The following BANF2 variants were observed in gnomAD, a reference collection of about 807,000 sequenced individuals.
BANF2 encodes the protein barrier-to-autointegration factor-like protein.
Under a neutral mutation model 8.0 loss-of-function variants are expected in BANF2, and 4 were observed. The observed-to-expected ratio is 0.50, with a 90% CI of 0.25 to 1.14. The LOEUF is 1.14. BANF2 is among the 50% of genes most tolerant of loss of function. The pLI is 0.16. For synonymous variants in BANF2, 50 were observed against 40.6 expected, an observed-to-expected ratio of 1.23 and a Z score of -0.88; for missense variants, 96 against 107.5, an observed-to-expected ratio of 0.89 and a Z score of 0.47.
intron 1 of BANF2, among the ~76,000 whole-genome samples, chr20:17,718,752 G>A (rs1402820435): frequency 6.6e-6 from 1 of 152,170 alleles, no homozygotes; most frequent in East Asian, 1.9e-4. Context: ...ATTCCTTTGG[G>A]AATTGAGATT....
intron 1 of BANF2, among the ~76,000 whole-genome samples, chr20:17,694,792 T>A (rs185809501): frequency 1.0e-3 from 152 of 151,740 alleles, no homozygotes; most frequent in African/African-American, 2.0e-3. Context: ...ATAATTTTTT[T>A]AAAATTTTCT....
At position 17,726,896 on chromosome 20, in the gene BANF2, C is replaced by T. The variant is rs541015475; in HGVS notation, c.126+1745C>T. On this transcript the variant is annotated intron_variant, in intron 3 of 3. Coordinates refer to ENST00000246090, the MANE Select transcript of BANF2 (RefSeq NM_178477.5). ...ATAGTTCTATGAGTTTGGACACATG[C>T]ATGCAGTGATGCAGCCGCTACCATA... 3.3e-5 allele frequency among the ~76,000 whole-genome samples: 5 copies of T among 152,344 alleles called. No individual in the cohort carries two copies. The East Asian group carries it at 7.7e-4, about 23-fold the overall frequency.
chr20:17,722,023 A>G (rs73093520), intron 1 of BANF2, among the ~76,000 whole-genome samples: 21,142 of 152,238 alleles, frequency 0.14, 1,542 homozygotes, highest in Middle Eastern at 0.29. Context: ...GTGACAACTC[A>G]AGTGTCTCTG....
At chr20:17,713,654 C>A (rs947943432) in intron 1 of BANF2, among the ~76,000 whole-genome samples, 3 of 151,226 alleles carry the variant, frequency 2.0e-5, no homozygotes, top group Admixed American at 6.6e-5. Context: ...GGCAACATAG[C>A]AAGACCTCAT....
In BANF2 at chr20:17,713,615, C is replaced by T. The variant is rs185984696; in HGVS notation, c.-166-9101C>T. Among the ~76,000 whole-genome samples, 36 of 152,200 alleles carry T rather than the reference C, an allele frequency of 2.4e-4. 1 individual carries two copies. In the East Asian group the frequency reaches 3.1e-3, roughly 13 times the overall value. ...TTGGAAAGCAGAGGCAGGAGGATTG[C>T]TTGAGGCCAGGAGTTTGAGACCAGC... On this transcript the variant is annotated intron_variant, in intron 1 of 3. Transcript: ENST00000246090.
chr20:17,710,146 G>C (rs1255642912), intron 1 of BANF2, among the ~76,000 whole-genome samples: 3 of 152,216 alleles, frequency 2.0e-5, no homozygotes, highest in Admixed American at 6.5e-5. Context: ...TCACATCCTG[G>C]CCGAGGGCTG....
chr20:17,707,991 CAGG>C (rs2037508147), intron 1 of BANF2, among the ~76,000 whole-genome samples: 1 of 134,562 alleles, frequency 7.4e-6, no homozygotes, highest in Admixed American at 9.0e-5. Flanking sequence ...CACTTGAGGT[CAGG>C]AGTTTGAGAC....
chr20:17,716,693 G>A (rs73093513), intron 1 of BANF2, among the ~76,000 whole-genome samples: 20,548 of 151,118 alleles, frequency 0.14, 1,492 homozygotes, highest in Middle Eastern at 0.29. Flanking sequence ...GTGAAACCCC[G>A]AGCCAGGTGG....
At chr20:17,694,506 T>C (rs1482947239) in intron 1 of BANF2, among the ~76,000 whole-genome samples, 2 of 150,922 alleles carry the variant, frequency 1.3e-5, no homozygotes, top group East Asian at 3.9e-4. Flanking sequence ...GAAACAAAGG[T>C]AAGCCCTGGA....
chr20:17,698,946 C>A (rs2037374981), upstream of BANF2, among the ~76,000 whole-genome samples: 2 of 152,214 alleles, frequency 1.3e-5, no homozygotes, highest in South Asian at 4.1e-4. Flanking sequence ...AAGATACCAG[C>A]ACCCTTACAT....
rs192853239 is a variant in BANF2 at position 17,723,376 on chromosome 20, A to C, written c.-4+498A>C. ...GCTTGCAAAGGCAATGCTGCAGCCC[A>C]GTTACTTCCACGAAGGAGTTAAGCT... On this transcript the variant is annotated intron_variant, in intron 2 of 3. Coordinates refer to ENST00000246090, the MANE Select transcript of BANF2 (RefSeq NM_178477.5). Among the ~76,000 whole-genome samples, 821 of 152,348 alleles carry C rather than the reference A, an allele frequency of 5.4e-3. 5 individuals carry two copies. The highest frequency in any genetic ancestry group is 0.019 in the African/African-American group (789 of 41,584).
At chr20:17,716,239 G>A (rs1460442526) in intron 1 of BANF2, among the ~76,000 whole-genome samples, 3 of 152,230 alleles carry the variant, frequency 2.0e-5, no homozygotes, top group African/African-American at 7.2e-5. Context: ...TATGAGTGCA[G>A]CCTGACAGGG....
At chr20:17,729,834 T>C (rs775251591) in intron 3 of BANF2, among the ~76,000 whole-genome samples, 65 of 152,334 alleles carry the variant, frequency 4.3e-4, no homozygotes, top group Non-Finnish European at 7.8e-4. Flanking sequence ...TCTCCCTAAG[T>C]TCCTTGGAGG....
chr20:17,719,059 C>T (rs573452080), intron 1 of BANF2, among the ~76,000 whole-genome samples: 7 of 152,310 alleles, frequency 4.6e-5, no homozygotes, highest in South Asian at 4.1e-4. Context: ...AGAAGAGGGG[C>T]GCTCCCCTGA....
chr20:17,728,945 T>C (rs1320271224), intron 3 of BANF2, among the ~76,000 whole-genome samples: 1 of 152,232 alleles, frequency 6.6e-6, no homozygotes, highest in Non-Finnish European at 1.5e-5. Context: ...AATTATTTTA[T>C]TGATTACACG....
At chr20:17,703,740 CTTTT>C (rs373982840) in intron 1 of BANF2, among the ~76,000 whole-genome samples, 1 of 122,598 alleles carries the variant, frequency 8.2e-6, no homozygotes, top group African/African-American at 3.3e-5. Flanking sequence ...AGTAGGCTGA[CTTTT>C]TTTTTTTTTT....
chr20:17,724,001 C>G (rs942975125), intron 2 of BANF2, among the ~76,000 whole-genome samples: 20 of 152,160 alleles, frequency 1.3e-4, no homozygotes, highest in African/African-American at 4.6e-4. Flanking sequence ...ATCACAAAAA[C>G]AAAACAAAAC....
chr20:17,718,004 A>G (rs1019884246), intron 1 of BANF2, among the ~76,000 whole-genome samples: 1 of 152,248 alleles, frequency 6.6e-6, no homozygotes, highest in Non-Finnish European at 1.5e-5. Flanking sequence ...ATAGTCTTAC[A>G]GGTACCATTT....
exon 1 of BANF2, chr20:17,693,684 G>A (rs747023898): frequency 3.2e-6 from 5 of 1,551,588 alleles, no homozygotes; most frequent in South Asian, 1.2e-5. Flanking sequence ...GCAACCCTGC[G>A]CTGAATGCTG....
Sources: allele counts gnomAD v4.1 joint callset (sites outside exome capture counted in the v4.1 genomes callset), GRCh38; gene constraint gnomAD v4.1.1; transcripts MANE v1.5; gene names NCBI Gene and HGNC (gene_info 2026-07-23, HGNC 2026-07-21).